DROSHA: variants seen among roughly 807,000 people sequenced by gnomAD.
The protein encoded by DROSHA is ribonuclease 3.
DROSHA carries 56 observed loss-of-function variants against 181.9 expected under a neutral mutation model. The ratio of observed to expected loss-of-function variants is 0.31; its 90% CI spans 0.25 to 0.38. DROSHA has a LOEUF of 0.38. Ranked by LOEUF, DROSHA falls within the 10% of genes least tolerant of loss-of-function variation. The pLI is 1.00. For missense variants in DROSHA, 1,218 were observed against 1,743.5 expected, an observed-to-expected ratio of 0.70 and a Z score of 5.37; for synonymous variants, 524 against 591.2, an observed-to-expected ratio of 0.89 and a Z score of 1.65.
At position 31,405,616 on chromosome 5, in the gene DROSHA, TC is replaced by T. The variant is rs966865209; in HGVS notation, c.3994+60del. 6.3e-6 allele frequency: 9 copies of T among 1,424,030 alleles called. No homozygotes were observed. In the African/African-American group the frequency reaches 1.3e-4, roughly 21 times the overall value. 88.2% of individuals were successfully genotyped at this position (1,424,030 alleles called of 1,614,324 possible). ...CTTACCATTTTTCTCCTTCCTCATT[TC>T]CTTTCCATAAAACACTCATTACATT... On this transcript the variant is annotated intron_variant, in intron 35 of 35. Coordinates refer to ENST00000344624, the MANE Select transcript of DROSHA (RefSeq NM_001382508.1).
intron 23 of DROSHA, among the ~76,000 whole-genome samples, chr5:31,443,852 C>T (rs1021832723): frequency 1.3e-5 from 2 of 152,106 alleles, no homozygotes; most frequent in East Asian, 1.9e-4. Context: ...AGTAGTGTGA[C>T]GAATGGCATT....
rs765666859 is a variant in DROSHA, at chr5:31,409,197, T to C, written c.3751-38A>G. On this transcript the variant is annotated intron_variant, in intron 32 of 35. Coordinates refer to ENST00000344624, the MANE Select transcript of DROSHA (RefSeq NM_001382508.1). This position sits in a 1 kb window ranked among gnomAD's most constrained non-coding sequence, Gnocchi z 4.0. ...CCCAAAACTATTTAGTAATGGGTTC[T>C]GGAATCACCAAACATAAAGCAGACC... is the stretch of plus-strand genomic sequence containing the variant. 1.2e-6 allele frequency: 2 copies of C among 1,609,596 alleles called. No homozygotes were observed. Among genetic ancestry groups the C allele is most frequent in the South Asian group, 2.2e-5 (2 of 90,170 alleles).
intron 11 of DROSHA, among the ~76,000 whole-genome samples, chr5:31,502,965 G>A (rs1188418416): frequency 6.6e-6 from 1 of 152,120 alleles, no homozygotes; most frequent in African/African-American, 2.4e-5. Context: ...GCTGGTCAGG[G>A]GCCTAGAAGA....
In DROSHA at chr5:31,504,999, G is replaced by A. The variant is rs143032322; in HGVS notation, c.1588-364C>T. Reference sequence around the variant, plus strand: ...TTCACAAAAGCAAATTTTATATCCTGGAGGAACACATAGAGTGTTTTGAAG... The same window carrying A: ...TTCACAAAAGCAAATTTTATATCCTAGAGGAACACATAGAGTGTTTTGAAG... On this transcript the variant is annotated intron_variant, in intron 10 of 35. Transcript: ENST00000344624. Among the ~76,000 whole-genome samples, 718 of 152,212 alleles carry A rather than the reference G, an allele frequency of 4.7e-3. 6 individuals are homozygous for A. Among genetic ancestry groups the A allele is most frequent in the African/African-American group, 0.016 (676 of 41,524 alleles).
intron 23 of DROSHA, among the ~76,000 whole-genome samples, chr5:31,439,543 G>A (rs536328038): frequency 5.9e-5 from 9 of 152,154 alleles, no homozygotes; most frequent in Non-Finnish European, 1.2e-4. Flanking sequence ...TGCATATCAT[G>A]GGGTTTGGTG....
intron 20 of DROSHA, among the ~76,000 whole-genome samples, chr5:31,453,122 T>A (rs537351697): frequency 1.3e-5 from 2 of 152,356 alleles, no homozygotes; most frequent in African/African-American, 4.8e-5. Context: ...TTTACTTTTT[T>A]AATATTTCCT....
rs1467837924 is a variant in DROSHA, at chr5:31,424,433, T to C, written c.3255A>G (p.Pro1085=). 3 of 1,598,106 alleles carry C rather than the reference T, an allele frequency of 1.9e-6. No individual in the cohort carries two copies. Among genetic ancestry groups the C allele is most frequent in the Non-Finnish European group, 2.6e-6 (3 of 1,172,424 alleles). The change falls in exon 28 of 36, where the codon CCA becomes CCG. Residue 1085 remains proline (P), a synonymous_variant. Coordinates refer to ENST00000344624, the MANE Select transcript of DROSHA (RefSeq NM_001382508.1). ...ACAGGGAGGTCATACTTACTTGGAG[T>C]GGGTGGAGAGGATAATTGAGCCAGA... ...REVWLNYPLH[P]LQLQEPNTDR...
At position 31,470,064 on chromosome 5, in the gene DROSHA, T is replaced by C. The variant is rs1749557381; in HGVS notation, c.2241+1999A>G. 1.3e-5 allele frequency among the ~76,000 whole-genome samples: 2 copies of C among 152,116 alleles called. No individual in the cohort carries two copies. Among genetic ancestry groups the C allele is most frequent in the Admixed American group, 1.3e-4 (2 of 15,276 alleles). Reference sequence around the variant, plus strand: ...TTTTCATAATACTGAATTCTCAAGATTTTTTTCCTCCTTTAAGCATATCTT... The same window carrying C: ...TTTTCATAATACTGAATTCTCAAGACTTTTTTCCTCCTTTAAGCATATCTT... On this transcript the variant is annotated intron_variant, in intron 17 of 35. Transcript: ENST00000344624. The surrounding 1 kb of genome is among the most constrained non-coding windows in gnomAD (Gnocchi z 4.0).
At chr5:31,442,552 T>A (rs1275836079) in intron 23 of DROSHA, among the ~76,000 whole-genome samples, 1 of 152,212 alleles carries the variant, frequency 6.6e-6, no homozygotes, top group Non-Finnish European at 1.5e-5. Flanking sequence ...CTGTAACATT[T>A]ATACAGCACA....
intron 21 of DROSHA, among the ~76,000 whole-genome samples, chr5:31,450,097 A>G (rs1310274726): frequency 1.3e-5 from 2 of 152,238 alleles, no homozygotes; most frequent in Admixed American, 1.3e-4. Flanking sequence ...GGAAATGCAA[A>G]TTAAAACCAC....
chr5:31,480,909 A>G (rs1436373206), intron 16 of DROSHA, among the ~76,000 whole-genome samples: 1 of 152,158 alleles, frequency 6.6e-6, no homozygotes, highest in African/African-American at 2.4e-5. Context: ...ATAATAATGC[A>G]TTTTTCATGG....
At chr5:31,528,130 C>T (rs981813420) in intron 4 of DROSHA, among the ~76,000 whole-genome samples, 1 of 152,154 alleles carries the variant, frequency 6.6e-6, no homozygotes, top group Non-Finnish European at 1.5e-5. Flanking sequence ...CTTTAACCGT[C>T]TGGTATTCCT....
At chr5:31,527,092 C>T (rs182348546) in intron 4 of DROSHA, among the ~76,000 whole-genome samples, 180 bp from the exon 5 acceptor site, 1 of 152,250 alleles carries the variant, frequency 6.6e-6, no homozygotes, top group Admixed American at 6.5e-5. Flanking sequence ...CCCTCATGCT[C>T]AATAAACTCC....
rs114191540 is a variant in DROSHA at position 31,443,805 on chromosome 5, C to T, written c.2882+4742G>A. On this transcript the variant is annotated intron_variant, in intron 23 of 35. Transcript: ENST00000344624. ...TAACCCTTCTTGATCCCCCCGCTGC[C>T]CTATTTCTAGTCAATAAGTAAATAG... 4.5e-3 allele frequency among the ~76,000 whole-genome samples: 683 copies of T among 152,226 alleles called. 6 individuals are homozygous for T. The highest frequency in any genetic ancestry group is 0.015 in the African/African-American group (635 of 41,556).
chr5:31,410,135 T>C (rs1259711272), intron 31 of DROSHA, among the ~76,000 whole-genome samples: 1 of 152,178 alleles, frequency 6.6e-6, no homozygotes. Flanking sequence ...GATACTTGAA[T>C]ATAATTCCCA....
intron 23 of DROSHA, among the ~76,000 whole-genome samples, chr5:31,441,099 T>G (rs1275337612): frequency 6.6e-6 from 1 of 151,694 alleles, no homozygotes; most frequent in Non-Finnish European, 1.5e-5. Flanking sequence ...GCTGACAAAT[T>G]CATAATCTCA....
At chr5:31,437,129 C>T (rs973648962) in intron 24 of DROSHA, 110 bp downstream of exon 24, 28 of 1,146,388 alleles carry the variant, frequency 2.4e-5, no homozygotes, top group Admixed American at 4.4e-5. Context: ...ATAAAATACA[C>T]GGTGTATCAA....
intron 13 of DROSHA, among the ~76,000 whole-genome samples, chr5:31,492,814 A>G (rs548925741): frequency 1.3e-5 from 2 of 152,364 alleles, no homozygotes; most frequent in East Asian, 1.9e-4. Context: ...TCAGGCTCCA[A>G]ACGTTCTGAA....
In DROSHA at chr5:31,429,497, C is replaced by A. The variant is rs1743887561; in HGVS notation, c.3194G>T (p.Gly1065Val). Residue 1065 changes from glycine (G) to valine (V), a missense_variant, in exon 27 of 36, where the codon GGA becomes GTA. Physicochemically the swap from Gly to Val is moderately radical, Grantham distance 109. Around this residue, in one of 8 missense-constraint regions of DROSHA, gnomAD observed 71 missense variants for 95.2 expected, o/e 0.75. Transcript: ENST00000344624. ...TACCGGATCATTAAAGAGCAAGCGT[C>A]CAAATAACTGCTTGGCTTCCTCCAG... Reference protein sequence around the residue: ...GSLEEAKQLFGRLLFNDPDLR... With the variant: ...GSLEEAKQLFVRLLFNDPDLR... 6.2e-7 allele frequency: 1 copy of A among 1,612,214 alleles called. No homozygotes were observed. The highest frequency in any genetic ancestry group is 8.5e-7 in the Non-Finnish European group (1 of 1,178,916).
Sources: gnomAD v4.1 joint callset for allele counts (sites outside exome capture counted in the v4.1 genomes callset) on GRCh38, gnomAD v4.1.1 for gene constraint, gnomAD v4.1.1 regional missense constraint, Gnocchi (gnomAD v3.1) non-coding constraint, MANE v1.5 for transcripts, NCBI Gene and HGNC (gene_info 2026-07-23, HGNC 2026-07-21) for gene names.